The following RAP1GAP2 variants were observed in gnomAD, a reference collection of about 807,000 sequenced individuals.
RAP1GAP2 encodes the protein RAP1 GTPase activating protein 2.
In RAP1GAP2, 27 loss-of-function variants were observed where a neutral mutation model predicts 95.0. The ratio of observed to expected loss-of-function variants is 0.28; its 90% confidence interval spans 0.21 to 0.39. The LOEUF (loss-of-function observed/expected upper bound fraction) is 0.39, where lower values mean the gene tolerates loss of function less well. Among genes scored for constraint, RAP1GAP2 ranks in the 10% least tolerant of loss-of-function variants. RAP1GAP2 has a pLI of 1.00. For synonymous variants in RAP1GAP2, 373 were observed against 380.9 expected (o/e 0.98, Z 0.24); for missense variants, 771 against 970.0 (o/e 0.79, Z 2.72).
intron 2 of RAP1GAP2, among the ~76,000 whole-genome samples, chr17:2,832,594 G>A (rs1288433559): frequency 7.3e-5 from 11 of 150,520 alleles, no homozygotes; most frequent in Admixed American, 1.3e-4. Context: ...GTCTCCTATG[G>A]CCAGCAGTGA....
intron 18 of RAP1GAP2, among the ~76,000 whole-genome samples, chr17:3,018,891 C>T (rs1026836218): frequency 4.6e-5 from 7 of 151,930 alleles, no homozygotes; most frequent in Admixed American, 2.0e-4. Context: ...GGTGAAACCC[C>T]GTCTCTACTA....
chr17:3,015,789 C>G (rs906750589), intron 17 of RAP1GAP2, among the ~76,000 whole-genome samples: 2 of 151,618 alleles, frequency 1.3e-5, no homozygotes, highest in African/African-American at 4.9e-5. Flanking sequence ...ACGCTGTACT[C>G]CAGCCTGGGT....
chr17:2,996,455 A>G (rs1041622904), intron 13 of RAP1GAP2, among the ~76,000 whole-genome samples: 2 of 152,226 alleles, frequency 1.3e-5, no homozygotes, highest in African/African-American at 2.4e-5. Context: ...GCACAGATGT[A>G]AAATTGTAAA....
rs1444229439 is a variant in RAP1GAP2 at position 2,980,245 on chromosome 17, A to G, written c.597-42A>G. ...GGCACGAGTCCCCGCGCCCTCACTG[A>G]CTGTTTCTTAGGGATGTCCTTTTTT... On this transcript the variant is annotated intron_variant, in intron 8 of 24. Transcript: ENST00000254695. The G allele has an allele frequency of 8.1e-6, 13 of 1,603,052 alleles. No homozygotes were observed. The Admixed American group carries it at 2.2e-4, about 27-fold the overall frequency.
intron 3 of RAP1GAP2, among the ~76,000 whole-genome samples, chr17:2,928,999 C>G (rs1322323800): frequency 6.6e-6 from 1 of 152,014 alleles, no homozygotes; most frequent in African/African-American, 2.4e-5. Flanking sequence ...TTTGGGAAGC[C>G]GAGGCAGGAC....
intron 2 of RAP1GAP2, among the ~76,000 whole-genome samples, chr17:2,861,652 G>C (rs1037148062): frequency 2.1e-4 from 8 of 38,006 alleles, no homozygotes; most frequent in South Asian, 9.7e-4. Flanking sequence ...ATTTTTTTTG[G>C]GGGGGGGGAC....
In RAP1GAP2 at chr17:2,904,521, G is replaced by T. The variant is rs1374895488; in HGVS notation, c.81-763G>T. ...CCCTGTCTCCCGAGGACAGCTTTTT[G>T]ACCAGGGCCTGTGTGTGTGTGTGTG... On this transcript the variant is annotated intron_variant, in intron 2 of 24. Transcript: ENST00000254695. The surrounding 1 kb of genome is among the most constrained non-coding windows in gnomAD (Gnocchi z 4.7). Among the ~76,000 whole-genome samples the T allele has an allele frequency of 1.1e-5, 1 of 92,674 alleles. No homozygotes were observed. The highest frequency in any genetic ancestry group is 3.3e-5 in the African/African-American group (1 of 30,652). The allele number at this position is 92,674 out of a possible 152,430, so 60.8% of individuals were successfully genotyped here. A position where few individuals can be genotyped will look rare whatever the true frequency, so the allele number is the denominator to read the frequency against.
intron 17 of RAP1GAP2, among the ~76,000 whole-genome samples, chr17:3,013,819 T>C (rs1289386664): frequency 6.6e-6 from 1 of 152,070 alleles, no homozygotes; most frequent in Non-Finnish European, 1.5e-5. Context: ...TATGTGGGCT[T>C]GGGCAATAAT....
At chr17:2,815,093 G>A (rs1308284832) in intron 2 of RAP1GAP2, among the ~76,000 whole-genome samples, 5 of 152,120 alleles carry the variant, frequency 3.3e-5, no homozygotes, top group African/African-American at 9.7e-5. Flanking sequence ...TGCAGCTTCC[G>A]GACCCCACCC....
At position 2,870,186 on chromosome 17, in the gene RAP1GAP2, C is replaced by T. The variant is rs963951720; in HGVS notation, c.81-35098C>T. On this transcript the variant is annotated intron_variant, in intron 2 of 24. Transcript: ENST00000254695. The surrounding 1 kb of genome is among the most constrained non-coding windows in gnomAD (Gnocchi z 4.4). ...GGGCTGGAATGCAATGGTGCAATCT[C>T]GGCTCACTGTAACCTCCCTCCCAAG... is the stretch of plus-strand genomic sequence containing the variant. Among the ~76,000 whole-genome samples the T allele has an allele frequency of 2.0e-5, 3 of 151,156 alleles. No individual in the cohort carries two copies. The highest frequency in any genetic ancestry group is 2.1e-4 in the South Asian group (1 of 4,772).
intron 3 of RAP1GAP2, among the ~76,000 whole-genome samples, chr17:2,946,580 C>G (rs556378318): frequency 1.3e-5 from 2 of 152,306 alleles, no homozygotes; most frequent in East Asian, 3.9e-4. Flanking sequence ...CATCTTCCCA[C>G]CCTTCCCCAC....
At chr17:3,032,733 C>G (rs758251176) in intron 24 of RAP1GAP2, among the ~76,000 whole-genome samples, 9 of 149,360 alleles carry the variant, frequency 6.0e-5, no homozygotes, top group Non-Finnish European at 1.4e-4. Context: ...AGGGGAGTCG[C>G]CCAAGCCCGC....
At chr17:2,773,110 T>A (rs2068430424), upstream of RAP1GAP2, among the ~76,000 whole-genome samples, 1 of 152,134 alleles carries the variant, frequency 6.6e-6, no homozygotes, top group Non-Finnish European at 1.5e-5. Context: ...AGTGCTGGGA[T>A]TACAGGCGTG....
chr17:3,025,326 A>G (rs2047073760), intron 19 of RAP1GAP2, among the ~76,000 whole-genome samples: 1 of 152,182 alleles, frequency 6.6e-6, no homozygotes, highest in African/African-American at 2.4e-5. Flanking sequence ...GCAGCAATCC[A>G]AGATCGCACC....
rs765876322 is a variant in RAP1GAP2 at position 2,995,403 on chromosome 17, G to C, written c.981G>C (p.Arg327=). The change falls in exon 13 of 25, where the codon CGG becomes CGC. Residue 327 remains arginine (R), a synonymous_variant. Transcript: ENST00000254695. ...TGVESVYTTF[R]DREIMFHVST... ...TGGAATCAGTGTACACAACATTCCG[G>C]GACAGGGAGATCATGTTTCACGTTT... 6.2e-7 allele frequency: 1 copy of C among 1,613,972 alleles called. No individual in the cohort carries two copies.
chr17:3,007,764 C>T (rs2046381982), intron 16 of RAP1GAP2, among the ~76,000 whole-genome samples: 1 of 152,054 alleles, frequency 6.6e-6, no homozygotes, highest in East Asian at 1.9e-4. Context: ...CAGGGTGGAG[C>T]TGTGGCAGTG....
intron 19 of RAP1GAP2, among the ~76,000 whole-genome samples, chr17:3,022,565 TA>T (rs904948424): frequency 1.3e-5 from 2 of 152,238 alleles, no homozygotes; most frequent in African/African-American, 2.4e-5. Flanking sequence ...TTCTTGCCCT[TA>T]AAAAAATCAC....
rs2047234246 is a variant in RAP1GAP2, at chr17:3,029,771, G to C, written c.2108-1151G>C. Reference sequence around the variant, plus strand: ...GCCCTCCTGCCAGCGGGGCACAGCGGGAAATGTTGACACCGGGCTCTGCCA... The same window carrying C: ...GCCCTCCTGCCAGCGGGGCACAGCGCGAAATGTTGACACCGGGCTCTGCCA... On this transcript the variant is annotated intron_variant, in intron 22 of 24. Coordinates refer to ENST00000254695, the MANE Select transcript of RAP1GAP2 (RefSeq NM_015085.5). The surrounding 1 kb of genome is among the most constrained non-coding windows in gnomAD (Gnocchi z 4.4). Among the ~76,000 whole-genome samples the C allele has an allele frequency of 6.6e-6, 1 of 152,062 alleles. No homozygotes were observed. Among genetic ancestry groups the C allele is most frequent in the African/African-American group, 2.4e-5 (1 of 41,402 alleles).
intron 3 of RAP1GAP2, among the ~76,000 whole-genome samples, chr17:2,955,313 G>A (rs1042105447): frequency 6.6e-6 from 1 of 152,172 alleles, no homozygotes; most frequent in Non-Finnish European, 1.5e-5. Context: ...TGTTTTGATC[G>A]TGGCTATGTT....
Sources: allele counts gnomAD v4.1 joint callset (sites outside exome capture counted in the v4.1 genomes callset), GRCh38; gene constraint gnomAD v4.1.1; non-coding constraint Gnocchi (gnomAD v3.1); transcripts MANE v1.5; gene names NCBI Gene and HGNC (gene_info 2026-07-23, HGNC 2026-07-21).